Variants in DYNLRB1 observed in about 807,000 individuals in gnomAD.
DYNLRB1 encodes ROBL/LC7-like 1.
A neutral mutation model predicts 13.5 loss-of-function variants in DYNLRB1; 6 were observed. That is an observed-to-expected ratio of 0.44 (90% CI 0.24 to 0.88). The LOEUF is 0.88. Ranked by LOEUF, DYNLRB1 falls within the 40% of genes least tolerant of loss-of-function variation. The probability of loss-of-function intolerance (pLI) is 0.21; values close to 1 mark genes in which losing one functional copy is unlikely to be tolerated. For synonymous variants in DYNLRB1, 43 were observed against 45.0 expected, an observed-to-expected ratio of 0.96 and a Z score of 0.18; for missense variants, 93 against 127.2, an observed-to-expected ratio of 0.73 and a Z score of 1.29.
At chr20:34,531,988 G>A (rs1028270329) in intron 2 of DYNLRB1, among the ~76,000 whole-genome samples, 1 of 152,218 alleles carries the variant, frequency 6.6e-6, no homozygotes, top group African/African-American at 2.4e-5. Flanking sequence ...CAAGTCTTGG[G>A]ACTGTGGGCC....
At chr20:34,526,486 T>TTA in intron 2 of DYNLRB1, 143 bp downstream of exon 2, 1 of 178,104 alleles carries the variant, frequency 5.6e-6, no homozygotes, top group South Asian at 1.4e-4. Flanking sequence ...TCCAGTGTTC[T>TTA]TTTTTTTTTT....
chr20:34,526,206 G>C, intron 1 of DYNLRB1, 62 bp from the exon 2 acceptor site: 1 of 1,555,984 alleles, frequency 6.4e-7, no homozygotes, highest in Non-Finnish European at 8.9e-7. Flanking sequence ...CATCTGCCTG[G>C]GGTATGAGGA....
intron 3 of DYNLRB1, 45 bp from the exon 4 acceptor site, chr20:34,540,536 C>G (rs764569263): frequency 6.4e-7 from 1 of 1,572,302 alleles, no homozygotes; most frequent in Non-Finnish European, 8.7e-7. Flanking sequence ...GTGTTTTTCT[C>G]TCATTTTACA....
intron 1 of DYNLRB1, 98 bp downstream of exon 1, chr20:34,516,559 G>A: frequency 6.4e-7 from 1 of 1,570,976 alleles, no homozygotes; most frequent in Admixed American, 1.8e-5. Flanking sequence ...GCTCCGGACA[G>A]GGAATCGGTG....
chr20:34,518,786 T>C (rs898561050), intron 1 of DYNLRB1, among the ~76,000 whole-genome samples: 24 of 152,182 alleles, frequency 1.6e-4, no homozygotes, highest in African/African-American at 5.6e-4. Flanking sequence ...CAAGCACTTA[T>C]ATGGCCCCCC....
At chr20:34,536,393 T>C in intron 3 of DYNLRB1, 1 of 985,358 alleles carries the variant, frequency 1.0e-6, no homozygotes, top group Non-Finnish European at 1.2e-6. Flanking sequence ...AGATTTAAAC[T>C]GCAGTTCCTC....
In DYNLRB1 at chr20:34,534,523, A is replaced by G. The variant is rs1458011324; in HGVS notation, c.80-105A>G. The stretch of plus-strand genomic sequence containing the variant: ...TAGCAAGCCCTCTGCGGATGGTGGC[A>G]TTGACTGAGAACTGCTATTCCAGTT... On this transcript the variant is annotated intron_variant, in intron 2 of 3. Coordinates refer to ENST00000357156, the MANE Select transcript of DYNLRB1 (RefSeq NM_014183.4). 6.5e-6 allele frequency: 9 copies of G among 1,379,440 alleles called. No individual in the cohort carries two copies. The South Asian group carries it at 1.2e-4, about 18-fold the overall frequency. 85.5% of individuals were successfully genotyped at this position (1,379,440 alleles called of 1,614,324 possible).
chr20:34,515,867 C>T (rs980429338), upstream of DYNLRB1, among the ~76,000 whole-genome samples: 1 of 152,116 alleles, frequency 6.6e-6, no homozygotes, highest in Non-Finnish European at 1.5e-5. Flanking sequence ...CTGAAAGCCT[C>T]TTCCGATACC....
chr20:34,516,316 A>G (rs1979159297), upstream of DYNLRB1: 2 of 1,344,996 alleles, frequency 1.5e-6, no homozygotes, highest in South Asian at 3.1e-5. Context: ...GGCGGAGCCA[A>G]GATCGGCTCG....
chr20:34,521,286 A>G (rs568113798), intron 1 of DYNLRB1, among the ~76,000 whole-genome samples: 1 of 152,320 alleles, frequency 6.6e-6, no homozygotes, highest in East Asian at 1.9e-4. Flanking sequence ...TGCTGAGATT[A>G]CAGGTGTGAG....
Position 34,540,741 on chromosome 20 carries a change from C to T in DYNLRB1, c.*117C>T, listed in dbSNP as rs2146660324. 9.4e-6 allele frequency: 10 copies of T among 1,068,402 alleles called. No individual in the cohort carries two copies. Among genetic ancestry groups the T allele is most frequent in the Non-Finnish European group, 1.1e-5 (8 of 719,536 alleles). 66.2% of individuals were successfully genotyped at this position (1,068,402 alleles called of 1,614,324 possible). On this transcript the variant is annotated 3_prime_UTR_variant, in exon 4 of 4. Coordinates refer to ENST00000357156, the MANE Select transcript of DYNLRB1 (RefSeq NM_014183.4). Reference sequence around the variant, plus strand: ...CGCTTGGAACCCACTCACACCAATCCAGTGACCGTGTGTGGGCTGGCGGCT... The same window carrying T: ...CGCTTGGAACCCACTCACACCAATCTAGTGACCGTGTGTGGGCTGGCGGCT...
At chr20:34,521,935 G>A (rs1019768945) in intron 1 of DYNLRB1, among the ~76,000 whole-genome samples, 1 of 152,102 alleles carries the variant, frequency 6.6e-6, no homozygotes, top group African/African-American at 2.4e-5. Flanking sequence ...GTGTTCGGGA[G>A]GCTGAAGTGG....
chr20:34,522,062 G>A (rs1349599314), intron 1 of DYNLRB1, among the ~76,000 whole-genome samples: 2 of 152,004 alleles, frequency 1.3e-5, no homozygotes, highest in East Asian at 3.9e-4. Context: ...ATCTCCTCAG[G>A]TGTTCCTGAC....
chr20:34,535,529 A>G, intron 3 of DYNLRB1: 5 of 761,478 alleles, frequency 6.6e-6, no homozygotes, highest in Non-Finnish European at 8.0e-6. Flanking sequence ...ACAGAGCCAC[A>G]TCTCCTGCCC....
chr20:34,535,600 C>T, intron 3 of DYNLRB1: 2 of 976,866 alleles, frequency 2.0e-6, no homozygotes, highest in Non-Finnish European at 2.4e-6. Flanking sequence ...GCCGTCTTTG[C>T]ATTATTACTT....
intron 1 of DYNLRB1, chr20:34,516,987 C>T: frequency 2.4e-6 from 3 of 1,274,168 alleles, no homozygotes; most frequent in Non-Finnish European, 3.0e-6. Context: ...ACCCTAGAAG[C>T]TTGACGGCCG....
At chr20:34,531,367 A>T (rs1980700184) in intron 2 of DYNLRB1, 1 of 152,266 alleles carries the variant, frequency 6.6e-6, no homozygotes, top group Non-Finnish European at 1.5e-5. Context: ...GTGAAGACAG[A>T]GGCAGGGAGC....
chr20:34,535,443 C>G lies in DYNLRB1; in HGVS notation c.247+648C>G, dbSNP rs189123118. 1.6e-4 allele frequency: 134 copies of G among 856,444 alleles called. No individual in the cohort carries two copies. In the East Asian group the frequency reaches 1.7e-3, roughly 11 times the overall value. The allele number at this position is 856,444 out of a possible 1,614,324, so 53.1% of individuals were successfully genotyped here. On this transcript the variant is annotated intron_variant, in intron 3 of 3. Coordinates refer to ENST00000357156, the MANE Select transcript of DYNLRB1 (RefSeq NM_014183.4). ...GGTGCAACCAAGGCCTGTGTTTAGTCCTTAGGATCATTCTCAGGGTGAGGA... is the reference window on the plus strand; with the variant it reads ...GGTGCAACCAAGGCCTGTGTTTAGTGCTTAGGATCATTCTCAGGGTGAGGA...
At chr20:34,528,025 G>GTTTACAAAAA (rs1300696673) in intron 2 of DYNLRB1, among the ~76,000 whole-genome samples, 1 of 112,710 alleles carries the variant, frequency 8.9e-6, no homozygotes, top group African/African-American at 3.3e-5. Context: ...CCCTACTGGA[G>GTTTACAAAAA]TAGCCGGCCG....
Sources: gnomAD v4.1 joint callset for allele counts (sites outside exome capture counted in the v4.1 genomes callset) on GRCh38, gnomAD v4.1.1 for gene constraint, MANE v1.5 for transcripts, NCBI Gene and HGNC (gene_info 2026-07-23, HGNC 2026-07-21) for gene names.